The following HEBP2 variants were observed in gnomAD, a reference collection of about 807,000 sequenced individuals.
HEBP2 encodes heme binding protein 2, also known as heme-binding protein 2.
HEBP2 carries 27 observed loss-of-function variants against 23.1 expected under a neutral mutation model. The ratio of observed to expected loss-of-function variants is 1.17; its 90% CI spans 0.86 to 1.61. The LOEUF (loss-of-function observed/expected upper bound fraction) is 1.61, where lower values mean the gene tolerates loss of function less well. HEBP2 is among the 40% of genes most tolerant of loss of function. The pLI is 0.00. For missense variants in HEBP2, 245 were observed against 253.8 expected (o/e 0.97, Z 0.24); for synonymous variants, 99 against 95.1 (o/e 1.04, Z -0.24).
chr6:138,422,181 G>T lies in HEBP2; in HGVS notation c.*9103G>T, dbSNP rs1281339289. 6.6e-6 allele frequency: 1 copy of T among 152,048 alleles called. No individual in the cohort carries two copies. The highest frequency in any genetic ancestry group is 2.4e-5 in the African/African-American group (1 of 41,398). The allele number at this position is 152,048 out of a possible 1,614,324, so 9.4% of individuals were successfully genotyped here. A position where few individuals can be genotyped will look rare whatever the true frequency, so the allele number is the denominator to read the frequency against. On this transcript the variant is annotated 3_prime_UTR_variant, in exon 4 of 4. Transcript: ENST00000607197. Reference sequence around the variant, plus strand: ...TTTGCATAAATTATGTATTATTAAAGGTTTCTGATATCCATATACATTCTA... The same window carrying T: ...TTTGCATAAATTATGTATTATTAAATGTTTCTGATATCCATATACATTCTA...
At chr6:138,406,956 A>G (rs1774656332) in intron 3 of HEBP2, among the ~76,000 whole-genome samples, 1 of 152,094 alleles carries the variant, frequency 6.6e-6, no homozygotes, top group Non-Finnish European at 1.5e-5. Flanking sequence ...ACTTGGGCCC[A>G]GGAGGTCGAG....
At chr6:138,409,670 A>G (rs980345834) in intron 3 of HEBP2, among the ~76,000 whole-genome samples, 2 of 152,160 alleles carry the variant, frequency 1.3e-5, no homozygotes, top group African/African-American at 4.8e-5. Flanking sequence ...TACCACAATG[A>G]CAAAAGCCCA....
intron 3 of HEBP2, among the ~76,000 whole-genome samples, chr6:138,408,365 T>G (rs892261868): frequency 6.6e-6 from 1 of 152,228 alleles, no homozygotes; most frequent in Non-Finnish European, 1.5e-5. Context: ...AATATCCTAT[T>G]TCATAACTCA....
intron 3 of HEBP2, chr6:138,412,399 A>C (rs1327939226): frequency 1.4e-5 from 3 of 213,858 alleles, no homozygotes; most frequent in African/African-American, 7.2e-5. Flanking sequence ...TCACATGGAG[A>C]CTGGGAATCA....
chr6:138,408,643 G>A (rs139836789), intron 3 of HEBP2, among the ~76,000 whole-genome samples: 33 of 152,276 alleles, frequency 2.2e-4, no homozygotes, highest in Admixed American at 3.9e-4. Flanking sequence ...ATGTGTGGAC[G>A]AATCTGTTCC....
chr6:138,404,429 G>GGCGGGGCGGCCCGGGGT lies in HEBP2; in HGVS notation c.-59_-43dup, dbSNP rs1455085195. 1.8e-6 allele frequency: 2 copies of GGCGGGGCGGCCCGGGGT among 1,085,180 alleles called. No individual in the cohort carries two copies. Among genetic ancestry groups the GGCGGGGCGGCCCGGGGT allele is most frequent in the East Asian group, 7.0e-5 (2 of 28,498 alleles). 67.2% of individuals were successfully genotyped at this position (1,085,180 alleles called of 1,614,324 possible). A position where few individuals can be genotyped will look rare whatever the true frequency, so the allele number is the denominator to read the frequency against. On this transcript the variant is annotated 5_prime_UTR_variant, in exon 1 of 4. Transcript: ENST00000607197. ...GGCCTCGGCGGGGCGCGCACACGCA[G>GGCGGGGCGGCCCGGGGT]GCGGGGCGGCCCGGGGTGCGGGGCC...
chr6:138,421,978 A>G lies in HEBP2; in HGVS notation c.*8900A>G, dbSNP rs779637414. On this transcript the variant is annotated 3_prime_UTR_variant, in exon 4 of 4. Transcript: ENST00000607197. ...CCAGCAAAACACTCAACAATTCTGT[A>G]TAAGAACACCTATCTCATTATTCAA... 2 of 152,228 alleles carry G rather than the reference A, an allele frequency of 1.3e-5. No individual in the cohort carries two copies. The highest frequency in any genetic ancestry group is 2.9e-5 in the Non-Finnish European group (2 of 68,038). 9.4% of individuals were successfully genotyped at this position (152,228 alleles called of 1,614,324 possible).
At position 138,404,593 on chromosome 6, in the gene HEBP2, C is replaced by T. The variant is rs1774604055; in HGVS notation, c.98C>T (p.Pro33Leu). 42 of 1,286,160 alleles carry T rather than the reference C, an allele frequency of 3.3e-5. No homozygotes were observed. The highest frequency in any genetic ancestry group is 4.1e-5 in the Non-Finnish European group (42 of 1,017,290). 79.7% of individuals were successfully genotyped at this position (1,286,160 alleles called of 1,614,324 possible). The change falls in exon 1 of 4, where the codon CCC (proline) becomes CTC (leucine). Residue 33 changes from proline (P) to leucine (L), a missense_variant. By Grantham distance (98) the Pro-to-Leu change is moderately conservative. Coordinates refer to ENST00000607197, the MANE Select transcript of HEBP2 (RefSeq NM_014320.3). ...PGWKAPEDAG[P>L]QPGSYEIRHY... ...TGGAAGGCCCCGGAGGACGCCGGCCCCCAGGTAGGCGCCGACTCGGGAGCG... is the reference window on the plus strand; with the variant it reads ...TGGAAGGCCCCGGAGGACGCCGGCCTCCAGGTAGGCGCCGACTCGGGAGCG...
rs1273650304 is a variant in HEBP2 at position 138,413,195 on chromosome 6, T to C, written c.*117T>C. The stretch of plus-strand genomic sequence containing the variant: ...CTTCTATTGAGAGTACTACTATTAA[T>C]TAAGCTTATTTCCAATGTGCCTTTT... On this transcript the variant is annotated 3_prime_UTR_variant, in exon 4 of 4. Coordinates refer to ENST00000607197, the MANE Select transcript of HEBP2 (RefSeq NM_014320.3). 2 of 743,196 alleles carry C rather than the reference T, an allele frequency of 2.7e-6. No individual in the cohort carries two copies. Among genetic ancestry groups the C allele is most frequent in the Non-Finnish European group, 4.4e-6 (2 of 449,914 alleles). The allele number at this position is 743,196 out of a possible 1,614,324, so 46.0% of individuals were successfully genotyped here.
At position 138,412,874 on chromosome 6, in the gene HEBP2, T is replaced by A. The variant is rs766988041; in HGVS notation, c.420-6T>A. ...CATTCACGGTTATTTCCTTTCTCCT[T>A]TGTAGGTCTTTCGATGGATTTTCTA... is the stretch of plus-strand genomic sequence containing the variant. On this transcript the variant is annotated splice_polypyrimidine_tract_variant and splice_region_variant and intron_variant, in intron 3 of 3. Transcript: ENST00000607197. 3.1e-6 allele frequency: 5 copies of A among 1,610,294 alleles called. No individual in the cohort carries two copies. Among genetic ancestry groups the A allele is most frequent in the Non-Finnish European group, 4.2e-6 (5 of 1,176,786 alleles).
chr6:138,412,009 A>G (rs1389902592), intron 3 of HEBP2: 2 of 429,126 alleles, frequency 4.7e-6, no homozygotes, highest in African/African-American at 2.1e-5. Context: ...GATCTCTTCC[A>G]TTGGATCATA....
chr6:138,412,970 T>C lies in HEBP2; in HGVS notation c.510T>C (p.Asp170=). ...SILREDGKVF[D]EKVYYTAGYN... is the part of the protein sequence containing the mutation. ...TAAGGGAAGATGGAAAAGTTTTCGA[T>C]GAGAAGGTTTACTACACTGCAGGCT... Residue 170 remains aspartate (D), a synonymous_variant, in exon 4 of 4, where the codon GAT becomes GAC. Transcript: ENST00000607197. 5.0e-6 allele frequency: 8 copies of C among 1,613,948 alleles called. No homozygotes were observed. The highest frequency in any genetic ancestry group is 6.8e-6 in the Non-Finnish European group (8 of 1,179,816).
intron 3 of HEBP2, among the ~76,000 whole-genome samples, chr6:138,407,497 G>C (rs1774669114): frequency 6.6e-6 from 1 of 152,256 alleles, no homozygotes. Flanking sequence ...GGCCCCCAAG[G>C]CTTCAAGTGG....
chr6:138,405,231 G>C lies in HEBP2; in HGVS notation c.189G>C (p.Gln63His), dbSNP rs1421538638. 6.2e-7 allele frequency: 1 copy of C among 1,614,250 alleles called. No homozygotes were observed. Among genetic ancestry groups the C allele is most frequent in the Admixed American group, 1.7e-5 (1 of 60,030 alleles). Residue 63 changes from glutamine to histidine, a missense_variant, in exon 2 of 4, where the codon CAG becomes CAC. By Grantham distance (24) the Gln-to-His change is conservative. Coordinates refer to ENST00000607197, the MANE Select transcript of HEBP2 (RefSeq NM_014320.3). ...VESMDWDSAI[Q>H]TGFTKLNSYI... ...CTATGGACTGGGATTCAGCCATCCA[G>C]ACGGGCTTTACGAAACTGAACAGCT... is the stretch of plus-strand genomic sequence containing the variant.
chr6:138,404,515 C>G lies in HEBP2; in HGVS notation c.20C>G (p.Pro7Arg). 7.6e-7 allele frequency: 1 copy of G among 1,315,554 alleles called. No homozygotes were observed. The highest frequency in any genetic ancestry group is 3.1e-5 in the East Asian group (1 of 32,118). The allele number at this position is 1,315,554 out of a possible 1,614,324, so 81.5% of individuals were successfully genotyped here. Residue 7 changes from proline to arginine, a missense_variant, in exon 1 of 4, where the codon CCA becomes CGA. Pro to Arg is a moderately radical substitution (Grantham distance 103). Coordinates refer to ENST00000607197, the MANE Select transcript of HEBP2 (RefSeq NM_014320.3). The part of the protein sequence containing the change: MAEPLQ[P>R]DPGAAEDAAA... ...CCGCCCATGGCCGAGCCGCTCCAGC[C>G]AGACCCCGGGGCGGCCGAGGACGCG... is the stretch of plus-strand genomic sequence containing the variant.
chr6:138,405,342 G>A, intron 2 of HEBP2, 62 bp downstream of exon 2: 1 of 1,575,868 alleles, frequency 6.3e-7, no homozygotes, highest in Non-Finnish European at 8.6e-7. Flanking sequence ...TTATTATTGA[G>A]TTTTAGCTTA....
At chr6:138,405,562 AT>A (rs1774630404) in intron 2 of HEBP2, among the ~76,000 whole-genome samples, 1 of 152,152 alleles carries the variant, frequency 6.6e-6, no homozygotes, top group Non-Finnish European at 1.5e-5. Context: ...GACTGGTAGG[AT>A]CAGAGACGTC....
intron 1 of HEBP2, 147 bp from the exon 2 acceptor site, chr6:138,404,998 A>G: frequency 1.3e-6 from 1 of 757,088 alleles, no homozygotes; most frequent in Non-Finnish European, 2.1e-6. Context: ...AGACCTAAGG[A>G]GCGGGGACCT....
At chr6:138,412,100 A>G in intron 3 of HEBP2, 3 of 447,260 alleles carry the variant, frequency 6.7e-6, no homozygotes, top group Non-Finnish European at 1.3e-5. Flanking sequence ...AAAAAGGGGC[A>G]ATGTGCAAGT....
Sources: gnomAD v4.1 joint callset for allele counts (sites outside exome capture counted in the v4.1 genomes callset) on GRCh38, gnomAD v4.1.1 for gene constraint, MANE v1.5 for transcripts, NCBI Gene and HGNC (gene_info 2026-07-23, HGNC 2026-07-21) for gene names.